TPH1: variants seen among roughly 807,000 people sequenced by gnomAD.
The protein encoded by TPH1 is tryptophan hydroxylase 1.
A neutral mutation model predicts 49.5 loss-of-function variants in TPH1; 37 were observed. The observed-to-expected ratio is 0.75, with a 90% CI of 0.58 to 0.98. The LOEUF is 0.98. TPH1 is among the 50% of genes least tolerant of loss of function. The pLI is 0.00. For synonymous variants in TPH1, 160 were observed against 182.1 expected (o/e 0.88, Z 0.98); for missense variants, 487 against 523.6 (o/e 0.93, Z 0.68).
chr11:18,024,558 T>C, intron 8 of TPH1, among the ~76,000 whole-genome samples: 1 of 152,174 alleles, frequency 6.6e-6, no homozygotes, highest in South Asian at 2.1e-4. Context: ...TTTTGGATAG[T>C]TGTGGATATT....
intron 2 of TPH1, among the ~76,000 whole-genome samples, chr11:18,040,010 A>C (rs1299384418): frequency 6.6e-6 from 1 of 151,832 alleles, no homozygotes; most frequent in Non-Finnish European, 1.5e-5. Context: ...GTCATTATAG[A>C]ATCTTTGCTA....
chr11:18,019,971 C>T lies in TPH1; in HGVS notation c.*1020G>A, dbSNP rs573341063. On this transcript the variant is annotated 3_prime_UTR_variant, in exon 11 of 11. Coordinates refer to ENST00000682019, the MANE Select transcript of TPH1 (RefSeq NM_004179.3). ...TGCAGCCTCTACTCTCATTGCATAC[C>T]TTTCTGTTTATGGCCTCACCTTATA... The T allele has an allele frequency of 3.0e-5, 10 of 332,318 alleles. No homozygotes were observed. Among genetic ancestry groups the T allele is most frequent in the South Asian group, 2.5e-4 (10 of 40,796 alleles). The allele number at this position is 332,318 out of a possible 1,614,324, so 20.6% of individuals were successfully genotyped here.
intron 1 of TPH1, among the ~76,000 whole-genome samples, chr11:18,044,542 T>TC (rs142680667): frequency 0.075 from 11,444 of 151,694 alleles, 1,250 homozygotes; most frequent in African/African-American, 0.24. Flanking sequence ...TCTTTTTTGT[T>TC]CCCCCCCACC....
chr11:18,022,841 A>G lies in TPH1; in HGVS notation c.1117T>C (p.Tyr373His). ...TCTTCAAAACTTTCAGATACAAAGT[A>G]GACATCTTGAAAAGTTGTGATAAGA... The part of the protein sequence containing the change: ...ECLITTFQDV[Y>H]FVSESFEDAK... The change falls in exon 10 of 11, where the codon TAC becomes CAC. Residue 373 changes from tyrosine to histidine, a missense_variant. Physicochemically the swap from Tyr to His is moderately conservative, Grantham distance 83. Transcript: ENST00000682019. 1 of 1,613,566 alleles carries G rather than the reference A, an allele frequency of 6.2e-7. No homozygotes were observed. Among genetic ancestry groups the G allele is most frequent in the Non-Finnish European group, 8.5e-7 (1 of 1,179,612 alleles).
intron 8 of TPH1, among the ~76,000 whole-genome samples, chr11:18,024,887 C>A (rs528184412): frequency 6.6e-6 from 1 of 152,320 alleles, no homozygotes; most frequent in East Asian, 1.9e-4. Flanking sequence ...TCCTTGTGTG[C>A]CCTCATCCTG....
At chr11:18,036,998 G>T (rs1417357141) in intron 2 of TPH1, among the ~76,000 whole-genome samples, 1 of 152,174 alleles carries the variant, frequency 6.6e-6, no homozygotes, top group Non-Finnish European at 1.5e-5. Context: ...AAAGGGAAAA[G>T]CATTACGACT....
At chr11:18,038,064 T>C (rs772021395) in intron 2 of TPH1, among the ~76,000 whole-genome samples, 1 of 152,102 alleles carries the variant, frequency 6.6e-6, no homozygotes, top group African/African-American at 2.4e-5. Flanking sequence ...CACAAATACA[T>C]TGGGAAGACG....
At chr11:18,044,549 C>G (rs187543146) in intron 1 of TPH1, among the ~76,000 whole-genome samples, 1 of 151,520 alleles carries the variant, frequency 6.6e-6, no homozygotes, top group African/African-American at 2.4e-5. Flanking sequence ...TGTTCCCCCC[C>G]ACCCCAAAAT....
At chr11:18,042,861 CAT>C (rs1353435690) in intron 1 of TPH1, among the ~76,000 whole-genome samples, 4 of 152,140 alleles carry the variant, frequency 2.6e-5, no homozygotes, top group African/African-American at 7.2e-5. Flanking sequence ...CAATAGCAAA[CAT>C]GTGGAAAAGT....
chr11:18,022,804 T>A lies in TPH1; in HGVS notation c.1154A>T (p.Lys385Met), dbSNP rs1854377790. ...TGAAGAAGATATACTGTACCTCATC[T>A]TCTCCTTTGCATCTTCAAAACTTTC... Reference protein sequence around the residue: ...VSESFEDAKEKMREFTKTIKR... With the variant: ...VSESFEDAKEMMREFTKTIKR... Residue 385 changes from lysine (K) to methionine (M), a missense_variant, in exon 10 of 11, where the codon AAG becomes ATG. Coordinates refer to ENST00000682019, the MANE Select transcript of TPH1 (RefSeq NM_004179.3). 2 of 1,613,152 alleles carry A rather than the reference T, an allele frequency of 1.2e-6. No individual in the cohort carries two copies. Among genetic ancestry groups the A allele is most frequent in the Admixed American group, 1.7e-5 (1 of 59,938 alleles).
At chr11:18,035,704 G>C (rs1052839562) in intron 3 of TPH1, among the ~76,000 whole-genome samples, 1 of 151,994 alleles carries the variant, frequency 6.6e-6, no homozygotes, top group Non-Finnish European at 1.5e-5. Flanking sequence ...GGGATTACAG[G>C]CATGAGCCAC....
At chr11:18,046,125 C>G (rs1325598321) in intron 1 of TPH1, among the ~76,000 whole-genome samples, 116 bp downstream of exon 1, 1 of 152,192 alleles carries the variant, frequency 6.6e-6, no homozygotes, top group Admixed American at 6.5e-5. Flanking sequence ...TCTGACTCCG[C>G]AAGACCACCA....
chr11:18,022,856 T>C lies in TPH1; in HGVS notation c.1102A>G (p.Thr368Ala). 4 of 1,613,600 alleles carry C rather than the reference T, an allele frequency of 2.5e-6. No homozygotes were observed. In the South Asian group the frequency reaches 4.4e-5, roughly 18 times the overall value. The part of the protein sequence containing the change: ...ITCKQECLIT[T>A]FQDVYFVSES... ...GATACAAAGTAGACATCTTGAAAAG[T>C]TGTGATAAGACATTCCTGTTTGCAG... The change falls in exon 10 of 11, where the codon ACT becomes GCT. Residue 368 changes from threonine to alanine, a missense_variant. Physicochemically the swap from Thr to Ala is moderately conservative, Grantham distance 58. Coordinates refer to ENST00000682019, the MANE Select transcript of TPH1 (RefSeq NM_004179.3).
Position 18,019,555 on chromosome 11 carries a change from C to T in TPH1, c.*1436G>A, listed in dbSNP as rs747747726. 1 of 436,824 alleles carries T rather than the reference C, an allele frequency of 2.3e-6. No individual in the cohort carries two copies. Among genetic ancestry groups the T allele is most frequent in the African/African-American group, 2.0e-5 (1 of 49,178 alleles). The allele number at this position is 436,824 out of a possible 1,614,324, so 27.1% of individuals were successfully genotyped here. A position where few individuals can be genotyped will look rare whatever the true frequency, so the allele number is the denominator to read the frequency against. On this transcript the variant is annotated 3_prime_UTR_variant, in exon 11 of 11. Transcript: ENST00000682019. ...ATTATGAGACATCTACATAGACATC[C>T]AGGAGTTCGTTGGAATTAAGGGGCA...
chr11:18,029,895 AG>A (rs905609519), intron 4 of TPH1, among the ~76,000 whole-genome samples: 2 of 152,166 alleles, frequency 1.3e-5, no homozygotes, highest in African/African-American at 2.4e-5. Context: ...TCCAAGGGTG[AG>A]GGGTTTTTTC....
Position 18,018,310 on chromosome 11 carries a change from T to G in TPH1, c.*2681A>C, listed in dbSNP as rs1486010545. 6.6e-6 allele frequency: 1 copy of G among 152,084 alleles called. No homozygotes were observed. The highest frequency in any genetic ancestry group is 1.5e-5 in the Non-Finnish European group (1 of 68,030). The allele number at this position is 152,084 out of a possible 1,614,324, so 9.4% of individuals were successfully genotyped here. A position where few individuals can be genotyped will look rare whatever the true frequency, so the allele number is the denominator to read the frequency against. On this transcript the variant is annotated 3_prime_UTR_variant, in exon 11 of 11. Transcript: ENST00000682019. ...ATGAAAATTCTAAGACTCTCAGGAC[T>G]CCTGATTTACCAAATATTACAAATA...
chr11:18,042,744 A>G (rs902012484), intron 1 of TPH1, among the ~76,000 whole-genome samples: 3 of 152,244 alleles, frequency 2.0e-5, no homozygotes, highest in Admixed American at 1.3e-4. Flanking sequence ...TTTTCAAAAA[A>G]AGAGAAAATG....
Position 18,042,688 on chromosome 11 carries a change from A to G in TPH1, c.-26-1900T>C, listed in dbSNP as rs573599502. On this transcript the variant is annotated intron_variant, in intron 1 of 10. Coordinates refer to ENST00000682019, the MANE Select transcript of TPH1 (RefSeq NM_004179.3). Reference sequence around the variant, plus strand: ...GTTGCTAACCTACACTAAGTACTCAATAAGTATTATCTCAAGTAATGGGGA... The same window carrying G: ...GTTGCTAACCTACACTAAGTACTCAGTAAGTATTATCTCAAGTAATGGGGA... Among the ~76,000 whole-genome samples the G allele has an allele frequency of 2.4e-4, 36 of 152,332 alleles. No individual in the cohort carries two copies. In the South Asian group the frequency reaches 6.6e-3, roughly 28 times the overall value.
At chr11:18,045,474 A>AACC (rs1554899926) in intron 1 of TPH1, among the ~76,000 whole-genome samples, 1 of 65,560 alleles carries the variant, frequency 1.5e-5, no homozygotes. Context: ...TTAGAATTCC[A>AACC]CCCCCCCCTT....
Sources: gnomAD v4.1 joint callset for allele counts (sites outside exome capture counted in the v4.1 genomes callset) on GRCh38, gnomAD v4.1.1 for gene constraint, MANE v1.5 for transcripts, NCBI Gene and HGNC (gene_info 2026-07-23, HGNC 2026-07-21) for gene names.